OPCML: variants seen among roughly 807,000 people sequenced by gnomAD.
OPCML encodes the protein opioid binding protein/cell adhesion molecule like.
A neutral mutation model predicts 37.8 loss-of-function variants in OPCML; 13 were observed. The observed-to-expected ratio is 0.34, with a 90% CI of 0.22 to 0.55. OPCML has a LOEUF of 0.55. OPCML is among the 20% of genes least tolerant of loss of function. OPCML has a pLI of 0.91. For synonymous variants in OPCML, 176 were observed against 168.8 expected, an observed-to-expected ratio of 1.04 and a Z score of -0.33; for missense variants, 341 against 435.6, an observed-to-expected ratio of 0.78 and a Z score of 1.93.
chr11:132,655,778 T>C (rs1167113985), intron 3 of OPCML, among the ~76,000 whole-genome samples: 1 of 151,452 alleles, frequency 6.6e-6, no homozygotes, highest in Admixed American at 6.6e-5. Flanking sequence ...GCAACCTGAA[T>C]CATGCAAGTG....
At chr11:132,713,926 A>G (rs1003807416) in intron 2 of OPCML, among the ~76,000 whole-genome samples, 7 of 152,220 alleles carry the variant, frequency 4.6e-5, no homozygotes, top group African/African-American at 1.7e-4. Context: ...GTAATAGACA[A>G]AAATTATCAT....
chr11:133,458,646 G>T (rs543242069), intron 1 of OPCML, among the ~76,000 whole-genome samples: 27 of 115,092 alleles, frequency 2.3e-4, no homozygotes, highest in Admixed American at 1.3e-3. Flanking sequence ...TATACACATA[G>T]ATGCACGTGT....
chr11:132,978,569 G>A (rs1373163170), intron 1 of OPCML, among the ~76,000 whole-genome samples: 1 of 152,140 alleles, frequency 6.6e-6, no homozygotes, highest in Non-Finnish European at 1.5e-5. Flanking sequence ...TCTGCAAGGT[G>A]TGGCTCTGCA....
At chr11:133,506,429 T>C (rs1948032616) in intron 1 of OPCML, among the ~76,000 whole-genome samples, 1 of 152,184 alleles carries the variant, frequency 6.6e-6, no homozygotes, top group South Asian at 2.1e-4. Flanking sequence ...TCAGAGGGCT[T>C]TGCTGACATG....
At chr11:133,103,596 T>C (rs146326880) in intron 1 of OPCML, among the ~76,000 whole-genome samples, 1 of 152,352 alleles carries the variant, frequency 6.6e-6, no homozygotes, top group African/African-American at 2.4e-5. Flanking sequence ...AATTTTGCAG[T>C]AGACATTTTT....
intron 1 of OPCML, chr11:133,297,859 A>G (rs937408646): frequency 6.6e-6 from 1 of 152,180 alleles, no homozygotes; most frequent in Non-Finnish European, 1.5e-5. Flanking sequence ...TTGAATTCGT[A>G]GAGTTCTTTA....
At chr11:132,457,764 T>A (rs1357026124) in intron 4 of OPCML, among the ~76,000 whole-genome samples, 1 of 152,220 alleles carries the variant, frequency 6.6e-6, no homozygotes, top group Non-Finnish European at 1.5e-5. Flanking sequence ...CTGCCTGGTG[T>A]ACGGTCTGCT....
At chr11:132,683,663 A>G (rs904281821) in intron 2 of OPCML, among the ~76,000 whole-genome samples, 1 of 152,198 alleles carries the variant, frequency 6.6e-6, no homozygotes, top group Admixed American at 6.5e-5. Flanking sequence ...CAATTTGCTT[A>G]TTACTACAGC....
chr11:132,692,754 G>C (rs1196145016), intron 2 of OPCML, among the ~76,000 whole-genome samples: 2 of 152,142 alleles, frequency 1.3e-5, no homozygotes, highest in African/African-American at 4.8e-5. Flanking sequence ...ATTAAACAAA[G>C]CAAACATCAC....
intron 3 of OPCML, among the ~76,000 whole-genome samples, chr11:132,582,155 A>G (rs2096463454): frequency 6.6e-6 from 1 of 150,652 alleles, no homozygotes; most frequent in Admixed American, 6.6e-5. Context: ...TGTGTGAAAC[A>G]GAGAGAGAGA....
At chr11:133,426,585 C>G (rs61082292) in intron 1 of OPCML, among the ~76,000 whole-genome samples, 14,519 of 152,096 alleles carry the variant, frequency 0.095, 2,007 homozygotes, top group African/African-American at 0.31. Context: ...CTCCTCTGCC[C>G]CAGGCCCCCG....
intron 1 of OPCML, among the ~76,000 whole-genome samples, chr11:133,446,379 T>A (rs117377651): frequency 0.033 from 5,082 of 152,314 alleles, 134 homozygotes; most frequent in Non-Finnish European, 0.05. Context: ...TGATGAGGTA[T>A]AACTTACATA....
chr11:132,663,857 G>C (rs1471039048), intron 2 of OPCML, among the ~76,000 whole-genome samples: 1 of 152,150 alleles, frequency 6.6e-6, no homozygotes, highest in Non-Finnish European at 1.5e-5. Context: ...TTTTGAGACG[G>C]AGTCTCACTC....
chr11:132,816,344 A>G (rs1939637001), intron 2 of OPCML, among the ~76,000 whole-genome samples: 1 of 152,194 alleles, frequency 6.6e-6, no homozygotes, highest in African/African-American at 2.4e-5. Context: ...CAATTTTGCC[A>G]TTTAAAAATA....
intron 1 of OPCML, among the ~76,000 whole-genome samples, chr11:133,044,554 G>A (rs1306716115): frequency 6.6e-6 from 1 of 152,210 alleles, no homozygotes; most frequent in Non-Finnish European, 1.5e-5. Flanking sequence ...CAGAGGTTAA[G>A]AAGAAGCCGT....
chr11:132,456,228 G>A (rs1279653279), intron 4 of OPCML, among the ~76,000 whole-genome samples: 1 of 152,200 alleles, frequency 6.6e-6, no homozygotes, highest in Non-Finnish European at 1.5e-5. Context: ...GGAGAGCACA[G>A]TGCAATTGAG....
chr11:133,309,586 T>A (rs1565563697), intron 1 of OPCML, among the ~76,000 whole-genome samples: 1 of 152,218 alleles, frequency 6.6e-6, no homozygotes, highest in African/African-American at 2.4e-5. Flanking sequence ...TATGGGAAAA[T>A]GGTTAACATT....
chr11:133,516,228 T>A (rs1948268618), intron 1 of OPCML, among the ~76,000 whole-genome samples: 1 of 152,096 alleles, frequency 6.6e-6, no homozygotes, highest in Non-Finnish European at 1.5e-5. Flanking sequence ...TGGAGAGGCT[T>A]CGTGTCAGTC....
intron 1 of OPCML, among the ~76,000 whole-genome samples, chr11:132,977,916 G>A (rs1317199031): frequency 1.3e-5 from 2 of 152,164 alleles, no homozygotes; most frequent in African/African-American, 4.8e-5. Flanking sequence ...CACAGTCCCT[G>A]GAGAACATCA....
Sources: allele counts gnomAD v4.1 joint callset (sites outside exome capture counted in the v4.1 genomes callset), GRCh38; gene constraint gnomAD v4.1.1; transcripts MANE v1.5; gene names NCBI Gene and HGNC (gene_info 2026-07-23, HGNC 2026-07-21).